MAD1L1: variants seen among roughly 807,000 people sequenced by gnomAD.
The protein encoded by MAD1L1 is mitotic spindle assembly checkpoint protein MAD1.
A neutral mutation model predicts 96.9 loss-of-function variants in MAD1L1; 95 were observed. The observed-to-expected ratio is 0.98, with a 90% CI of 0.83 to 1.16. The LOEUF (loss-of-function observed/expected upper bound fraction) is 1.16. Ranked by LOEUF, MAD1L1 falls within the 50% of genes most tolerant of loss-of-function variation. The pLI is 0.00. For missense variants in MAD1L1, 1,007 were observed against 954.4 expected (o/e 1.06, Z -0.73); for synonymous variants, 473 against 396.6 (o/e 1.19, Z -2.29).
At chr7:1,874,327 G>A (rs1036625272) in intron 18 of MAD1L1, among the ~76,000 whole-genome samples, 20 of 152,256 alleles carry the variant, frequency 1.3e-4, no homozygotes, top group African/African-American at 4.8e-4. Flanking sequence ...GAGGACAGAG[G>A]GGGTGACCGT....
intron 11 of MAD1L1, among the ~76,000 whole-genome samples, chr7:2,118,500 G>A (rs956857597): frequency 6.6e-6 from 1 of 152,244 alleles, no homozygotes; most frequent in Non-Finnish European, 1.5e-5. Flanking sequence ...CCCAGCATCC[G>A]TAGTGCGTGG....
At chr7:2,071,782 C>G (rs1028739795) in intron 11 of MAD1L1, among the ~76,000 whole-genome samples, 1 of 151,998 alleles carries the variant, frequency 6.6e-6, no homozygotes, top group Non-Finnish European at 1.5e-5. Context: ...TGGCCTCCAT[C>G]AAAACCCAAA....
intron 11 of MAD1L1, among the ~76,000 whole-genome samples, chr7:2,105,591 G>A (rs1045038535): frequency 1.5e-4 from 23 of 152,260 alleles, no homozygotes; most frequent in African/African-American, 5.3e-4. Flanking sequence ...AGGAAGCCCT[G>A]GGACCAGCCA....
At chr7:1,966,560 C>CAAAAAAAA (rs199627043) in intron 15 of MAD1L1, among the ~76,000 whole-genome samples, 3 of 9,286 alleles carry the variant, frequency 3.2e-4, no homozygotes, top group Non-Finnish European at 6.4e-4. Context: ...CCAAACTTGG[C>CAAAAAAAA]AAAAAAAAAA....
chr7:2,115,005 G>A (rs1247746280), intron 11 of MAD1L1, among the ~76,000 whole-genome samples: 3 of 152,236 alleles, frequency 2.0e-5, no homozygotes, highest in Non-Finnish European at 4.4e-5. Context: ...CAGTGCAGCA[G>A]AGAAGAGCAG....
At chr7:1,980,390 C>T (rs1398947981) in intron 15 of MAD1L1, 63 bp downstream of exon 15, 28 of 1,402,642 alleles carry the variant, frequency 2.0e-5, no homozygotes, top group East Asian at 1.6e-4. Flanking sequence ...CACACCTGGG[C>T]GTATCCGCCT....
At position 2,089,881 on chromosome 7, in the gene MAD1L1, T is replaced by A. The variant is rs185643237; in HGVS notation, c.1074-20543A>T. ...AATTAAGGCCAGGCTAACACACACC[T>A]GCCATGAGATCAGAGTGGGCTGAAG... On this transcript the variant is annotated intron_variant, in intron 11 of 18. Transcript: ENST00000265854. Among the ~76,000 whole-genome samples the A allele has an allele frequency of 1.2e-4, 18 of 152,320 alleles. No individual in the cohort carries two copies. In the East Asian group the frequency reaches 3.5e-3, roughly 29 times the overall value.
In MAD1L1 at chr7:1,949,807, C is replaced by T. The variant is rs558778892; in HGVS notation, c.1596+7822G>A. Among the ~76,000 whole-genome samples the T allele has an allele frequency of 3.3e-5, 5 of 152,380 alleles. No homozygotes were observed. The East Asian group carries it at 9.7e-4, about 29-fold the overall frequency. On this transcript the variant is annotated intron_variant, in intron 16 of 18. Transcript: ENST00000265854. ...CATGTCCAAGAGCCGCGGGGACTGG[C>T]ACCCCGTGCGGGGCACTTGCAGACA...
chr7:1,941,155 G>A (rs977822426), intron 16 of MAD1L1, among the ~76,000 whole-genome samples: 6 of 152,202 alleles, frequency 3.9e-5, no homozygotes, highest in Non-Finnish European at 7.4e-5. Context: ...AGGAGGGGTC[G>A]GGGGTCAGCG....
intron 16 of MAD1L1, among the ~76,000 whole-genome samples, chr7:1,949,040 G>C (rs1583888049): frequency 6.6e-6 from 1 of 152,180 alleles, no homozygotes; most frequent in Admixed American, 6.5e-5. Context: ...CGCCATGTGG[G>C]GCTTCCCTGG....
At chr7:1,969,527 A>G (rs1041219509) in intron 15 of MAD1L1, among the ~76,000 whole-genome samples, 3 of 152,266 alleles carry the variant, frequency 2.0e-5, no homozygotes. Flanking sequence ...CAGAACAATT[A>G]GTCAAGAAAA....
intron 10 of MAD1L1, among the ~76,000 whole-genome samples, chr7:2,161,896 C>T (rs986744545): frequency 2.1e-5 from 3 of 145,926 alleles, no homozygotes; most frequent in Non-Finnish European, 4.5e-5. Flanking sequence ...AGGTGGGGGG[C>T]AGCCCCCGCC....
chr7:1,974,018 G>A (rs1780521274), intron 15 of MAD1L1, among the ~76,000 whole-genome samples: 2 of 152,200 alleles, frequency 1.3e-5, no homozygotes, highest in South Asian at 4.1e-4. Context: ...TCTGCTTCTG[G>A]GAGTGAAGGG....
chr7:2,168,568 T>G (rs1790550002), intron 10 of MAD1L1, among the ~76,000 whole-genome samples: 1 of 152,148 alleles, frequency 6.6e-6, no homozygotes, highest in South Asian at 2.1e-4. Context: ...TATCTGTCCT[T>G]AAAAGGGAGG....
intron 13 of MAD1L1, 89 bp from the exon 14 acceptor site, chr7:2,002,210 C>T: frequency 1.6e-6 from 2 of 1,287,424 alleles, no homozygotes; most frequent in Non-Finnish European, 2.2e-6. Context: ...CACCACCCCG[C>T]AGCCTCCACT....
intron 16 of MAD1L1, among the ~76,000 whole-genome samples, chr7:1,947,836 G>C (rs935516427): frequency 1.3e-5 from 2 of 152,242 alleles, no homozygotes; most frequent in African/African-American, 4.8e-5. Context: ...TGAAGGGCTG[G>C]ATGCACCTAT....
chr7:1,980,545 G>C lies in MAD1L1; in HGVS notation c.1417-4C>G, dbSNP rs774967730. ...GCATCTTCAGCTCCATCTCCAGCTA[G>C]GAGAAAGCAAAGGATAGAGGGTCAG... On this transcript the variant is annotated splice_polypyrimidine_tract_variant and splice_region_variant and intron_variant, in intron 14 of 18. Transcript: ENST00000265854. The C allele has an allele frequency of 2.5e-6, 4 of 1,608,868 alleles. No individual in the cohort carries two copies. The Admixed American group carries it at 5.0e-5, about 20-fold the overall frequency.
intron 12 of MAD1L1, among the ~76,000 whole-genome samples, chr7:2,053,818 G>A (rs1784283954): frequency 6.6e-6 from 1 of 152,240 alleles, no homozygotes; most frequent in Admixed American, 6.5e-5. Flanking sequence ...GTGGACGCAG[G>A]CCATGACTCC....
intron 17 of MAD1L1, among the ~76,000 whole-genome samples, chr7:1,906,737 T>C (rs1352769050): frequency 6.6e-6 from 1 of 152,210 alleles, no homozygotes. Context: ...AACATGGAAG[T>C]GCGCGACGGG....
Sources: gnomAD v4.1 joint callset for allele counts (sites outside exome capture counted in the v4.1 genomes callset) on GRCh38, gnomAD v4.1.1 for gene constraint, MANE v1.5 for transcripts, NCBI Gene and HGNC (gene_info 2026-07-23, HGNC 2026-07-21) for gene names.